The following CARD8 variants were observed in gnomAD, a reference collection of about 807,000 sequenced individuals.
CARD8 encodes the protein caspase recruitment domain-containing protein 8.
Under a neutral mutation model 53.2 loss-of-function variants are expected in CARD8, and 38 were observed. The observed-to-expected ratio is 0.71, with a 90% CI of 0.55 to 0.94. The LOEUF is 0.94. Among genes scored for constraint, CARD8 ranks in the 40% least tolerant of loss-of-function variants. The probability of loss-of-function intolerance (pLI) is 0.00; values close to 1 mark genes in which losing one functional copy is unlikely to be tolerated. For missense variants in CARD8, 561 were observed against 655.5 expected (o/e 0.86, Z 1.57); for synonymous variants, 245 against 244.9 (o/e 1.00, Z 0.00).
intron 6 of CARD8, chr19:48,232,862 T>A (rs1224046845): frequency 2.2e-6 from 1 of 451,706 alleles, no homozygotes; most frequent in African/African-American, 2.0e-5. Context: ...GATAACACAC[T>A]CCCTTGAGCC....
At position 48,211,913 on chromosome 19, in the gene CARD8, C is replaced by T. The variant is rs1032324679; in HGVS notation, c.1411G>A (p.Val471Met). The change falls in exon 14 of 14, where the codon GTG becomes ATG. Residue 471 changes from valine to methionine, a missense_variant. Transcript: ENST00000651546. ...TCATTGTCTTGGAGATCATCGAGCA[C>T]CCCTTTCAGGTCCCCCATCCTGGCT... ...LQARMGDLKG[V>M]LDDLQDNEVL... 1 of 1,614,062 alleles carries T rather than the reference C, an allele frequency of 6.2e-7. No homozygotes were observed. Among genetic ancestry groups the T allele is most frequent in the East Asian group, 2.2e-5 (1 of 44,880 alleles).
At chr19:48,250,762 T>C (rs1230456828) in intron 1 of CARD8, among the ~76,000 whole-genome samples, 3 of 152,196 alleles carry the variant, frequency 2.0e-5, no homozygotes, top group East Asian at 1.9e-4. Flanking sequence ...CTGGAGTCCA[T>C]TAGTAAGTTC....
At chr19:48,207,738 T>G (rs868666815), downstream of CARD8, among the ~76,000 whole-genome samples, 3 of 90,654 alleles carry the variant, frequency 3.3e-5, no homozygotes, top group Admixed American at 1.1e-4. Context: ...TTTTCTGTTT[T>G]TTTTTTTTTT....
intron 6 of CARD8, 90 bp from the exon 7 acceptor site, chr19:48,232,583 C>CTACTCTACGGGACAG: frequency 9.1e-7 from 1 of 1,099,104 alleles, no homozygotes; most frequent in Non-Finnish European, 1.3e-6. Flanking sequence ...AAAACTAGAG[C>CTACTCTACGGGACAG]TGCACTGTCC....
At chr19:48,214,075 T>C (rs1966625) in intron 13 of CARD8, among the ~76,000 whole-genome samples, 131,065 of 152,176 alleles carry the variant, frequency 0.86, 56,633 homozygotes, top group South Asian at 0.91. Flanking sequence ...TTTGCTGTTG[T>C]ATGCTCTTTT....
At chr19:48,242,681 G>A (rs189426508) in intron 3 of CARD8, 33 of 152,300 alleles carry the variant, frequency 2.2e-4, no homozygotes, top group African/African-American at 7.5e-4. Flanking sequence ...ATTCAGGTAC[G>A]AATTTCCATG....
Position 48,234,510 on chromosome 19 carries a change from G to A in CARD8, c.243C>T (p.Thr81=), listed in dbSNP as rs1437527688. 2 of 1,613,568 alleles carry A rather than the reference G, an allele frequency of 1.2e-6. No homozygotes were observed. Among genetic ancestry groups the A allele is most frequent in the South Asian group, 2.2e-5 (2 of 91,038 alleles). The change falls in exon 6 of 14, where the codon ACC becomes ACT. Residue 81 remains threonine (T), a synonymous_variant. Transcript: ENST00000651546. The part of the protein sequence containing the change: ...VYRELPCVSE[T]LCDISHFFQE... ...GGAAAAAATGTGAGATGTCACAAAG[G>A]GTCTCAGAAACACAGGGTAGCTCCC...
At chr19:48,206,118 G>C (rs573973938), downstream of CARD8, among the ~76,000 whole-genome samples, 2 of 151,826 alleles carry the variant, frequency 1.3e-5, no homozygotes, top group African/African-American at 4.8e-5. Flanking sequence ...GGCTGGTCTC[G>C]AACTCCTAAC....
chr19:48,255,704 A>G (rs1967164625), intron 1 of CARD8, 88 bp downstream of exon 1: 1 of 152,094 alleles, frequency 6.6e-6, no homozygotes, highest in Non-Finnish European at 1.5e-5. Context: ...TTGCTGACTA[A>G]GAGGAACAGA....
chr19:48,242,731 G>A (rs921941815), intron 3 of CARD8: 2 of 152,180 alleles, frequency 1.3e-5, no homozygotes, highest in Non-Finnish European at 2.9e-5. Context: ...ATACTTAGGA[G>A]TGGAGTTGCT....
intron 11 of CARD8, among the ~76,000 whole-genome samples, chr19:48,221,008 A>AAGAGAGAAAAAGAAAG (rs1555806505): frequency 1.6e-5 from 2 of 122,040 alleles, no homozygotes; most frequent in Admixed American, 1.8e-4. Context: ...GAAAGAAAGA[A>AAGAGAGAAAAAGAAAG]AAAGAAAGAA....
intron 3 of CARD8, among the ~76,000 whole-genome samples, chr19:48,248,551 C>T (rs10405717): frequency 0.16 from 24,526 of 152,088 alleles, 2,073 homozygotes; most frequent in East Asian, 0.32. Flanking sequence ...TCATTCTCAC[C>T]CACAATACTG....
At chr19:48,235,395 G>T (rs2043691785) in intron 5 of CARD8, among the ~76,000 whole-genome samples, 1 of 152,138 alleles carries the variant, frequency 6.6e-6, no homozygotes, top group Admixed American at 6.5e-5. Context: ...TATTTCAAGT[G>T]CTCAAAAGCC....
At chr19:48,222,487 GA>G (rs1338369820) in intron 10 of CARD8, among the ~76,000 whole-genome samples, 12 of 152,182 alleles carry the variant, frequency 7.9e-5, no homozygotes, top group African/African-American at 2.9e-4. Context: ...TCAGGAGTTT[GA>G]GACCAGCGTG....
Position 48,208,602 on chromosome 19 carries a change from T to G in CARD8, c.*3108A>C, listed in dbSNP as rs1196968197. On this transcript the variant is annotated 3_prime_UTR_variant, in exon 14 of 14. Coordinates refer to ENST00000651546, the MANE Select transcript of CARD8 (RefSeq NM_001184900.3). Reference sequence around the variant, plus strand: ...CAAAAATCTCCACTTGTCTGGCAAATGACAACTCAGTGGACACCAAACACT... The same window carrying G: ...CAAAAATCTCCACTTGTCTGGCAAAGGACAACTCAGTGGACACCAAACACT... The G allele has an allele frequency of 6.6e-6, 1 of 152,106 alleles. No homozygotes were observed. The highest frequency in any genetic ancestry group is 1.5e-5 in the Non-Finnish European group (1 of 68,040). The allele number at this position is 152,106 out of a possible 1,614,324, so 9.4% of individuals were successfully genotyped here. A position where few individuals can be genotyped will look rare whatever the true frequency, so the allele number is the denominator to read the frequency against.
Position 48,230,612 on chromosome 19 carries a change from G to A in CARD8, c.861C>T (p.Phe287=). ...VLEHPARVEP[F]YAVLESPSFS... Reference sequence around the variant, plus strand: ...AGCTGGGGCTTTCCAGGACAGCATAGAAAGGCTCCACCCGGGCTGGATGCT... The same window carrying A: ...AGCTGGGGCTTTCCAGGACAGCATAAAAAGGCTCCACCCGGGCTGGATGCT... Residue 287 remains phenylalanine (F), a synonymous_variant, in exon 10 of 14, where the codon TTC becomes TTT. Coordinates refer to ENST00000651546, the MANE Select transcript of CARD8 (RefSeq NM_001184900.3). The A allele has an allele frequency of 6.2e-7, 1 of 1,614,156 alleles. No homozygotes were observed. Among genetic ancestry groups the A allele is most frequent in the African/African-American group, 1.3e-5 (1 of 75,034 alleles).
chr19:48,234,640 C>A, intron 5 of CARD8, 97 bp from the exon 6 acceptor site: 2 of 1,125,042 alleles, frequency 1.8e-6, no homozygotes, highest in Non-Finnish European at 2.5e-6. Flanking sequence ...TAGCCATAGA[C>A]TCAATATTTT....
In CARD8 at chr19:48,241,687, C is replaced by T. The variant is rs189470394; in HGVS notation, c.-43-624G>A. ...TATTTTCCTTGCCTTCCATTCTTCT[C>T]TCGTACAACTCTAATCGTTTTTCTT... On this transcript the variant is annotated intron_variant, in intron 3 of 13. Transcript: ENST00000651546. 2.6e-3 allele frequency among the ~76,000 whole-genome samples: 400 copies of T among 152,338 alleles called. 1 individual carries two copies. Among genetic ancestry groups the T allele is most frequent in the African/African-American group, 8.9e-3 (369 of 41,560 alleles).
intron 3 of CARD8, among the ~76,000 whole-genome samples, chr19:48,247,660 T>A (rs1467268100): frequency 6.6e-6 from 1 of 151,574 alleles, no homozygotes; most frequent in Non-Finnish European, 1.5e-5. Flanking sequence ...TTATTACCCT[T>A]TATAAAGTAA....
Sources: gnomAD v4.1 joint callset for allele counts (sites outside exome capture counted in the v4.1 genomes callset) on GRCh38, gnomAD v4.1.1 for gene constraint, MANE v1.5 for transcripts, NCBI Gene and HGNC (gene_info 2026-07-23, HGNC 2026-07-21) for gene names.